The following AOAH variants were observed in gnomAD, a reference collection of about 807,000 sequenced individuals.
AOAH encodes acyloxyacyl hydrolase (neutrophil).
Under a neutral mutation model 92.2 loss-of-function variants are expected in AOAH, and 64 were observed. That is an observed-to-expected ratio of 0.69 (90% CI 0.57 to 0.86). The LOEUF is 0.86. AOAH is among the 40% of genes least tolerant of loss of function. The pLI is 0.00. For missense variants in AOAH, 656 were observed against 694.6 expected, an observed-to-expected ratio of 0.94 and a Z score of 0.62; for synonymous variants, 263 against 254.5, an observed-to-expected ratio of 1.03 and a Z score of -0.32.
intron 1 of AOAH, among the ~76,000 whole-genome samples, chr7:36,712,328 C>T (rs554075119): frequency 3.7e-4 from 57 of 152,156 alleles, no homozygotes; most frequent in South Asian, 6.2e-4. Context: ...TTATATTTAA[C>T]CAAATGTGAG....
chr7:36,560,917 A>T (rs1787212950), intron 13 of AOAH, among the ~76,000 whole-genome samples: 1 of 152,126 alleles, frequency 6.6e-6, no homozygotes, highest in Non-Finnish European at 1.5e-5. Context: ...TACCTACTCC[A>T]TCCATTTCTT....
chr7:36,637,105 G>C (rs1041183753), intron 5 of AOAH, among the ~76,000 whole-genome samples: 3 of 152,168 alleles, frequency 2.0e-5, no homozygotes, highest in Non-Finnish European at 4.4e-5. Flanking sequence ...CAGGGCCTAA[G>C]TCAAATACGT....
chr7:36,654,095 AG>A (rs773869937), intron 4 of AOAH, among the ~76,000 whole-genome samples: 39 of 122,996 alleles, frequency 3.2e-4, no homozygotes, highest in Non-Finnish European at 6.7e-4. Flanking sequence ...AGGGAGAGCC[AG>A]TCACGTGCAT....
intron 3 of AOAH, among the ~76,000 whole-genome samples, chr7:36,667,192 T>C (rs1205527807): frequency 6.6e-6 from 1 of 152,196 alleles, no homozygotes; most frequent in Non-Finnish European, 1.5e-5. Flanking sequence ...AATAAAAAAC[T>C]CCAGAAAGAA....
At chr7:36,628,241 TG>T (rs1259803907) in intron 6 of AOAH, among the ~76,000 whole-genome samples, 1 of 152,154 alleles carries the variant, frequency 6.6e-6, no homozygotes, top group Non-Finnish European at 1.5e-5. Flanking sequence ...TGAAATAATA[TG>T]GGGGTTTCTG....
chr7:36,517,959 ACACACACACACG>A (rs1348870816), intron 20 of AOAH, among the ~76,000 whole-genome samples: 33 of 148,248 alleles, frequency 2.2e-4, no homozygotes, highest in Middle Eastern at 3.3e-3. Context: ...ACACACACAC[ACACACACACACG>A]CACACACACA....
In AOAH at chr7:36,678,588, T is replaced by C. The variant is rs868538134; in HGVS notation, c.224-4579A>G. On this transcript the variant is annotated intron_variant, in intron 2 of 20. Transcript: ENST00000617537. ...GTGTGTGTGTGTGTGTGTGTGTGTG[T>C]GTGTGTGTGTGTGCGCGCGCGCGCG... 3.5e-4 allele frequency among the ~76,000 whole-genome samples: 33 copies of C among 93,144 alleles called. No homozygotes were observed. The East Asian group carries it at 4.1e-3, about 12-fold the overall frequency. 61.1% of individuals were successfully genotyped at this position (93,144 alleles called of 152,430 possible). A position where few individuals can be genotyped will look rare whatever the true frequency, so the allele number is the denominator to read the frequency against.
chr7:36,632,790 C>CTGAG (rs1204916514), intron 5 of AOAH, among the ~76,000 whole-genome samples: 1 of 152,244 alleles, frequency 6.6e-6, no homozygotes, highest in African/African-American at 2.4e-5. Flanking sequence ...CCTGCCAGCC[C>CTGAG]TGAGTCCTTC....
chr7:36,682,119 G>A (rs1796686053), intron 2 of AOAH, among the ~76,000 whole-genome samples: 3 of 152,240 alleles, frequency 2.0e-5, no homozygotes, highest in African/African-American at 7.2e-5. Flanking sequence ...GCTGGTGAAT[G>A]CAAAGAGTTC....
chr7:36,713,805 T>A (rs1223400146), intron 1 of AOAH, among the ~76,000 whole-genome samples: 3 of 152,072 alleles, frequency 2.0e-5, no homozygotes, highest in African/African-American at 7.2e-5. Flanking sequence ...CATACCAGAA[T>A]CTCTGGGACA....
At chr7:36,578,300 GA>G (rs1788677824) in intron 12 of AOAH, among the ~76,000 whole-genome samples, 1 of 152,250 alleles carries the variant, frequency 6.6e-6, no homozygotes, top group Admixed American at 6.5e-5. Context: ...ATTTCAACAG[GA>G]AAAGGCCAAT....
intron 6 of AOAH, among the ~76,000 whole-genome samples, 199 bp downstream of exon 6, chr7:36,631,837 G>A (rs1476243162): frequency 6.6e-6 from 1 of 152,152 alleles, no homozygotes; most frequent in African/African-American, 2.4e-5. Context: ...CAAAGATGCT[G>A]GCATTCAGTA....
At chr7:36,626,267 G>A (rs1792657189) in intron 6 of AOAH, among the ~76,000 whole-genome samples, 1 of 152,186 alleles carries the variant, frequency 6.6e-6, no homozygotes, top group Non-Finnish European at 1.5e-5. Context: ...CTGCAGGAAA[G>A]GTCCCGTTTG....
At chr7:36,527,997 T>A (rs1268522423) in intron 19 of AOAH, among the ~76,000 whole-genome samples, 1 of 152,200 alleles carries the variant, frequency 6.6e-6, no homozygotes, top group Non-Finnish European at 1.5e-5. Flanking sequence ...GAAAACCAGA[T>A]AGAAATGCTA....
intron 2 of AOAH, among the ~76,000 whole-genome samples, chr7:36,684,337 A>T (rs1432608603): frequency 6.6e-6 from 1 of 152,216 alleles, no homozygotes; most frequent in Non-Finnish European, 1.5e-5. Context: ...TCATAAGTTT[A>T]TCATGATATT....
At chr7:36,562,877 G>A (rs945919210) in intron 13 of AOAH, among the ~76,000 whole-genome samples, 3 of 151,930 alleles carry the variant, frequency 2.0e-5, no homozygotes, top group African/African-American at 4.8e-5. Context: ...GGCCAGACGC[G>A]GTGGCTCACA....
intron 6 of AOAH, among the ~76,000 whole-genome samples, chr7:36,628,643 T>C (rs574743970): frequency 6.6e-6 from 1 of 152,290 alleles, no homozygotes; most frequent in Admixed American, 6.5e-5. Flanking sequence ...TGCAAGCGAC[T>C]GAAAGTAACC....
At chr7:36,641,921 T>C (rs544046512) in intron 4 of AOAH, among the ~76,000 whole-genome samples, 30 of 152,268 alleles carry the variant, frequency 2.0e-4, no homozygotes, top group African/African-American at 6.3e-4. Flanking sequence ...CAGTAGTATA[T>C]AGCCACGGTG....
intron 6 of AOAH, among the ~76,000 whole-genome samples, chr7:36,629,995 C>T (rs192990833): frequency 1.3e-5 from 2 of 152,226 alleles, no homozygotes; most frequent in African/African-American, 4.8e-5. Flanking sequence ...GAGTGGTGTC[C>T]TTGTAAAAGG....
Sources: allele counts gnomAD v4.1 joint callset (sites outside exome capture counted in the v4.1 genomes callset), GRCh38; gene constraint gnomAD v4.1.1; transcripts MANE v1.5; gene names NCBI Gene and HGNC (gene_info 2026-07-23, HGNC 2026-07-21).